ANKS1B: variants seen among roughly 807,000 people sequenced by gnomAD.
ANKS1B encodes ankyrin repeat and sterile alpha motif domain containing 1B.
ANKS1B carries 36 observed loss-of-function variants against 148.3 expected under a neutral mutation model. That is an observed-to-expected ratio of 0.24 (90% CI 0.19 to 0.32). ANKS1B has a LOEUF of 0.32. Among genes scored for constraint, ANKS1B ranks in the 10% least tolerant of loss-of-function variants. The pLI is 1.00. For synonymous variants in ANKS1B, 542 were observed against 560.8 expected, an observed-to-expected ratio of 0.97 and a Z score of 0.47; for missense variants, 1,157 against 1,542.6, an observed-to-expected ratio of 0.75 and a Z score of 4.19.
At chr12:99,844,161 T>C (rs1323352970) in intron 1 of ANKS1B, among the ~76,000 whole-genome samples, 1 of 152,122 alleles carries the variant, frequency 6.6e-6, no homozygotes, top group Non-Finnish European at 1.5e-5. Context: ...TGTCAGAGAG[T>C]AGATTGCAAG....
rs185927825 is a variant in ANKS1B at position 99,246,578 on chromosome 12, G to A, written c.2043C>T (p.Leu681=). The change falls in exon 13 of 27, where the codon CTC becomes CTT. Residue 681 remains leucine, a synonymous_variant. Coordinates refer to ENST00000683438, the MANE Select transcript of ANKS1B (RefSeq NM_001352186.2). ...RTIFHKKSNQ[L]ENHTIVGTRS... ...TTGTGCCAACAATGGTATGGTTTTC[G>A]AGTTGGTTGCTTTTTTTGTGAAAAA... 1.9e-3 allele frequency: 3,020 copies of A among 1,613,662 alleles called. 3 individuals carry two copies. Among genetic ancestry groups the A allele is most frequent in the Non-Finnish European group, 2.2e-3 (2,595 of 1,179,746 alleles).
rs80139241 is a variant in ANKS1B at position 98,831,835 on chromosome 12, C to T, written c.2886+194G>A. 3,112 of 612,798 alleles carry T rather than the reference C, an allele frequency of 5.1e-3. 15 individuals are homozygous for T. The highest frequency in any genetic ancestry group is 7.1e-3 in the Non-Finnish European group (2,377 of 334,872). 38.0% of individuals were successfully genotyped at this position (612,798 alleles called of 1,614,324 possible). On this transcript the variant is annotated intron_variant, in intron 18 of 26. Transcript: ENST00000683438. ...GCGATCTCTGCTCACTGCAATGCTC[C>T]GCCTTCTGGGTTCAAGTGATTTTCA...
chr12:98,899,437 T>C (rs2099769093), intron 17 of ANKS1B, among the ~76,000 whole-genome samples: 1 of 152,168 alleles, frequency 6.6e-6, no homozygotes, highest in Non-Finnish European at 1.5e-5. Context: ...CTAATCTAGG[T>C]GTTTCTGTGA....
At chr12:99,632,728 T>TAG (rs1491536992) in intron 9 of ANKS1B, among the ~76,000 whole-genome samples, 115 of 6,604 alleles carry the variant, frequency 0.017, 5 homozygotes, top group East Asian at 0.16. Context: ...CTTTTCTTTC[T>TAG]ATATATATAT....
chr12:99,948,413 G>T (rs1394473720), intron 1 of ANKS1B, among the ~76,000 whole-genome samples: 1 of 151,002 alleles, frequency 6.6e-6, no homozygotes, highest in Non-Finnish European at 1.5e-5. Flanking sequence ...AGAGGCAAAA[G>T]ACACCTTTTA....
chr12:99,787,519 T>C (rs978178532), intron 4 of ANKS1B, among the ~76,000 whole-genome samples: 1 of 152,126 alleles, frequency 6.6e-6, no homozygotes, highest in Non-Finnish European at 1.5e-5. Context: ...AACAGACTAA[T>C]ACAATAATGC....
chr12:99,733,800 C>A (rs2059381715), intron 8 of ANKS1B, among the ~76,000 whole-genome samples: 1 of 152,178 alleles, frequency 6.6e-6, no homozygotes, highest in Non-Finnish European at 1.5e-5. Flanking sequence ...ACTCTTCAAT[C>A]TCCATAAACC....
At position 99,220,638 on chromosome 12, in the gene ANKS1B, G is replaced by A. The variant is rs942329499; in HGVS notation, c.2419+23704C>T. 8.2e-4 allele frequency among the ~76,000 whole-genome samples: 122 copies of A among 149,628 alleles called. 1 individual carries two copies. Among genetic ancestry groups the A allele is most frequent in the East Asian group, 1.0e-3 (5 of 4,884 alleles). On this transcript the variant is annotated intron_variant, in intron 14 of 26. Coordinates refer to ENST00000683438, the MANE Select transcript of ANKS1B (RefSeq NM_001352186.2). ...ATTTTTTTGTATTTTTAGTAGAGAC[G>A]GGGTTTCACCATGTTAGCCAGGATG...
intron 12 of ANKS1B, among the ~76,000 whole-genome samples, chr12:99,364,172 T>C (rs956210703): frequency 1.3e-5 from 2 of 152,178 alleles, no homozygotes; most frequent in Non-Finnish European, 2.9e-5. Flanking sequence ...CCTGTCTATA[T>C]AAACAGTTTG....
chr12:99,082,749 G>A (rs1599627598), intron 16 of ANKS1B, among the ~76,000 whole-genome samples: 1 of 152,214 alleles, frequency 6.6e-6, no homozygotes, highest in East Asian at 1.9e-4. Flanking sequence ...GTAAGGAGCG[G>A]TTCCATTTTG....
chr12:99,940,658 A>G (rs544351120), intron 1 of ANKS1B, among the ~76,000 whole-genome samples: 2 of 152,276 alleles, frequency 1.3e-5, no homozygotes, highest in African/African-American at 4.8e-5. Context: ...CCAACTTGCT[A>G]TGAGAAAGAT....
chr12:99,944,133 G>T (rs1408417530), intron 1 of ANKS1B, among the ~76,000 whole-genome samples: 1 of 152,038 alleles, frequency 6.6e-6, no homozygotes, highest in Non-Finnish European at 1.5e-5. Flanking sequence ...GAGCATAAGG[G>T]CACTCTTCCT....
At chr12:99,515,770 A>G (rs1438185875) in intron 9 of ANKS1B, among the ~76,000 whole-genome samples, 1 of 151,966 alleles carries the variant, frequency 6.6e-6, no homozygotes, top group African/African-American at 2.4e-5. Context: ...TTCTCCTCAC[A>G]TTCCCACCAA....
At chr12:99,828,889 A>G (rs1029517275) in intron 1 of ANKS1B, among the ~76,000 whole-genome samples, 6 of 152,028 alleles carry the variant, frequency 3.9e-5, no homozygotes, top group African/African-American at 1.4e-4. Flanking sequence ...AGGGTGAGGC[A>G]GGAGAATCGA....
At chr12:99,743,451 C>G (rs972635820) in intron 8 of ANKS1B, among the ~76,000 whole-genome samples, 6 of 152,128 alleles carry the variant, frequency 3.9e-5, no homozygotes, top group African/African-American at 1.4e-4. Flanking sequence ...TCTAAAACCA[C>G]ATTTTGGAAT....
intron 1 of ANKS1B, among the ~76,000 whole-genome samples, chr12:99,869,319 C>T (rs534063942): frequency 6.6e-6 from 1 of 152,092 alleles, no homozygotes; most frequent in East Asian, 1.9e-4. Flanking sequence ...GGTATTGGCA[C>T]AAAGATAAAT....
intron 2 of ANKS1B, among the ~76,000 whole-genome samples, chr12:99,813,922 TCAA>T (rs1198122237): frequency 1.3e-5 from 2 of 151,736 alleles, no homozygotes; most frequent in Non-Finnish European, 3.0e-5. Context: ...GATAATTCGA[TCAA>T]CAACAGACCA....
chr12:99,544,597 G>T (rs1296529214), intron 9 of ANKS1B, among the ~76,000 whole-genome samples: 1 of 152,120 alleles, frequency 6.6e-6, no homozygotes, highest in Non-Finnish European at 1.5e-5. Context: ...CTGCCTATGA[G>T]CTGAACTAAG....
At chr12:99,738,072 C>G (rs538191323) in intron 8 of ANKS1B, among the ~76,000 whole-genome samples, 1 of 152,268 alleles carries the variant, frequency 6.6e-6, no homozygotes, top group Admixed American at 6.5e-5. Context: ...TTAATCATTA[C>G]AGAATGCTGT....
Sources: gnomAD v4.1 joint callset for allele counts (sites outside exome capture counted in the v4.1 genomes callset) on GRCh38, gnomAD v4.1.1 for gene constraint, MANE v1.5 for transcripts, NCBI Gene and HGNC (gene_info 2026-07-23, HGNC 2026-07-21) for gene names.